Variants in CDH11 observed in about 807,000 individuals in gnomAD.
The protein encoded by CDH11 is cadherin-11.
Under a neutral mutation model 67.8 loss-of-function variants are expected in CDH11, and 11 were observed. The observed-to-expected ratio is 0.16, with a 90% CI of 0.10 to 0.27. The LOEUF is 0.27. CDH11 is among the 10% of genes least tolerant of loss of function. The pLI is 1.00. For missense variants in CDH11, 847 were observed against 1,031.2 expected, an observed-to-expected ratio of 0.82 and a Z score of 2.45; for synonymous variants, 419 against 400.0, an observed-to-expected ratio of 1.05 and a Z score of -0.57.
chr16:64,983,933 A>C (rs994237773), intron 7 of CDH11, among the ~76,000 whole-genome samples: 1 of 152,204 alleles, frequency 6.6e-6, no homozygotes, highest in African/African-American at 2.4e-5. Context: ...GCTAGAGCAG[A>C]AACTTTTGTA....
At chr16:65,066,618 C>T in intron 1 of CDH11, among the ~76,000 whole-genome samples, 1 of 152,340 alleles carries the variant, frequency 6.6e-6, no homozygotes, top group East Asian at 1.9e-4. Context: ...ATGTGGCCAG[C>T]ACATAGCTGA....
chr16:64,975,783 C>G (rs1325053715), intron 8 of CDH11, among the ~76,000 whole-genome samples: 1 of 152,072 alleles, frequency 6.6e-6, no homozygotes, highest in Non-Finnish European at 1.5e-5. Flanking sequence ...CAGGATCAAT[C>G]ATACCCCCAA....
intron 2 of CDH11, among the ~76,000 whole-genome samples, chr16:65,013,255 T>C (rs2073219567): frequency 6.6e-6 from 1 of 152,154 alleles, no homozygotes; most frequent in South Asian, 2.1e-4. Flanking sequence ...GAGGCCCTGC[T>C]ACTGTGACAG....
intron 11 of CDH11, among the ~76,000 whole-genome samples, chr16:64,963,610 A>G (rs1461709225): frequency 6.6e-6 from 1 of 152,158 alleles, no homozygotes; most frequent in Non-Finnish European, 1.5e-5. Flanking sequence ...GAGAACATCA[A>G]GCTGTATCAA....
intron 3 of CDH11, 130 bp downstream of exon 3, chr16:65,004,511 GT>G (rs1441423105): frequency 1.2e-6 from 1 of 852,896 alleles, no homozygotes; most frequent in Non-Finnish European, 1.8e-6. Context: ...TATTTGGGTG[GT>G]TTTACTGGCT....
chr16:65,012,715 T>A (rs972426033), intron 2 of CDH11, among the ~76,000 whole-genome samples: 6 of 152,210 alleles, frequency 3.9e-5, no homozygotes, highest in Non-Finnish European at 5.9e-5. Context: ...TGCTCTTGAA[T>A]GACAGCAAGC....
At chr16:65,033,205 C>T (rs1296447397) in intron 2 of CDH11, among the ~76,000 whole-genome samples, 1 of 150,840 alleles carries the variant, frequency 6.6e-6, no homozygotes, top group East Asian at 2.0e-4. Context: ...GTCTAGAAGG[C>T]CTGCGATGAC....
intron 1 of CDH11, among the ~76,000 whole-genome samples, chr16:65,063,969 A>C (rs960220232): frequency 2.0e-5 from 3 of 152,214 alleles, no homozygotes; most frequent in Admixed American, 2.0e-4. Flanking sequence ...ATACTTCTCT[A>C]GTATTCAACA....
chr16:64,947,512 T>C lies in CDH11; in HGVS notation c.*91A>G. ...ACTTTGCCTGTTTTAAATGAGCCTT[T>C]CCTTGATTTAAAAAAATACCTGTTT... On this transcript the variant is annotated 3_prime_UTR_variant, in exon 13 of 13. Transcript: ENST00000268603. 6.6e-7 allele frequency: 1 copy of C among 1,516,196 alleles called. No homozygotes were observed. The highest frequency in any genetic ancestry group is 8.8e-7 in the Non-Finnish European group (1 of 1,135,792). 93.9% of individuals were successfully genotyped at this position (1,516,196 alleles called of 1,614,324 possible). A position where few individuals can be genotyped will look rare whatever the true frequency, so the allele number is the denominator to read the frequency against.
chr16:65,079,208 G>T (rs1434393217), intron 1 of CDH11, among the ~76,000 whole-genome samples: 1 of 152,198 alleles, frequency 6.6e-6, no homozygotes, highest in Non-Finnish European at 1.5e-5. Flanking sequence ...CTAGTAGACA[G>T]ATGGGACGGA....
At chr16:65,107,124 C>T (rs978222837) in intron 1 of CDH11, among the ~76,000 whole-genome samples, 17 of 152,078 alleles carry the variant, frequency 1.1e-4, no homozygotes, top group African/African-American at 2.2e-4. Context: ...GTAAGTCTCA[C>T]GGACCTACCC....
chr16:64,947,583 C>T lies in CDH11; in HGVS notation c.*20G>A, dbSNP rs766472035. On this transcript the variant is annotated 3_prime_UTR_variant, in exon 13 of 13. Transcript: ENST00000268603. ...AGAACGCCAGACACAGTTCTTAAGG[C>T]CAAATTTGTATCGTTATTGTTAAGA... The T allele has an allele frequency of 1.9e-6, 3 of 1,593,126 alleles. No homozygotes were observed. The highest frequency in any genetic ancestry group is 1.7e-5 in the Admixed American group (1 of 58,114).
At chr16:65,089,577 G>A (rs1024262027) in intron 1 of CDH11, among the ~76,000 whole-genome samples, 1 of 152,040 alleles carries the variant, frequency 6.6e-6, no homozygotes, top group Non-Finnish European at 1.5e-5. Flanking sequence ...GTAACTGCTA[G>A]TTATCAGCAC....
intron 1 of CDH11, among the ~76,000 whole-genome samples, chr16:65,078,008 T>C (rs2074544550): frequency 1.3e-5 from 2 of 152,242 alleles, no homozygotes; most frequent in African/African-American, 4.8e-5. Flanking sequence ...GCAATTAGGT[T>C]GATCCTCTGA....
At position 64,988,219 on chromosome 16, in the gene CDH11, T is replaced by C. The variant is rs868427730; in HGVS notation, c.937A>G (p.Met313Val). Residue 313 changes from methionine (M) to valine (V), a missense_variant, in exon 7 of 13, where the codon ATG becomes GTG. Around this residue, in one of 2 missense-constraint regions of CDH11, gnomAD observed 612 missense variants for 678.7 expected, o/e 0.90. Coordinates refer to ENST00000268603, the MANE Select transcript of CDH11 (RefSeq NM_001797.4). Reference sequence around the variant, plus strand: ...TCCGTTGTGATTTCAAACGATTCCATACCATCTCCATCAACAATATTGTAT... The same window carrying C: ...TCCGTTGTGATTTCAAACGATTCCACACCATCTCCATCAACAATATTGTAT... ...VTYNIVDGDG[M>V]ESFEITTDYE... 2 of 1,613,632 alleles carry C rather than the reference T, an allele frequency of 1.2e-6. No homozygotes were observed. The highest frequency in any genetic ancestry group is 2.2e-5 in the East Asian group (1 of 44,870).
intron 1 of CDH11, among the ~76,000 whole-genome samples, chr16:65,098,913 A>T (rs1597192547): frequency 2.6e-5 from 4 of 152,284 alleles, no homozygotes; most frequent in African/African-American, 2.4e-5. Context: ...AAATCTGTTT[A>T]AAAAAGGTAA....
chr16:64,959,568 G>A (rs947246961), intron 11 of CDH11, among the ~76,000 whole-genome samples: 2 of 152,254 alleles, frequency 1.3e-5, no homozygotes, highest in Non-Finnish European at 2.9e-5. Flanking sequence ...ATTGAGGAGA[G>A]AGCGGGTTCA....
At chr16:65,114,897 T>G (rs1390278114) in intron 1 of CDH11, among the ~76,000 whole-genome samples, 1 of 152,124 alleles carries the variant, frequency 6.6e-6, no homozygotes, top group Non-Finnish European at 1.5e-5. Context: ...ACAAGGCAGG[T>G]CCAGGACTTT....
intron 2 of CDH11, among the ~76,000 whole-genome samples, chr16:65,029,142 A>G (rs1198303536): frequency 6.6e-6 from 1 of 152,228 alleles, no homozygotes; most frequent in Non-Finnish European, 1.5e-5. Context: ...CACTTTTTAA[A>G]AAATCTTCCT....
Sources: gnomAD v4.1 joint callset for allele counts (sites outside exome capture counted in the v4.1 genomes callset) on GRCh38, gnomAD v4.1.1 for gene constraint, gnomAD v4.1.1 regional missense constraint, MANE v1.5 for transcripts, NCBI Gene and HGNC (gene_info 2026-07-23, HGNC 2026-07-21) for gene names.